The following DTD1 variants were observed in gnomAD, a reference collection of about 807,000 sequenced individuals.
The protein encoded by DTD1 is D-aminoacyl-tRNA deacylase 1, also known as D-tyrosyl-tRNA deacylase 1 homolog.
DTD1 carries 13 observed loss-of-function variants against 25.6 expected under a neutral mutation model. The ratio of observed to expected loss-of-function variants is 0.51; its 90% confidence interval spans 0.33 to 0.81. The LOEUF is 0.81. Ranked by LOEUF, DTD1 falls within the 30% of genes least tolerant of loss-of-function variation. The pLI, the probability that DTD1 is intolerant of heterozygous loss-of-function variation, is 0.02. For synonymous variants in DTD1, 110 were observed against 103.6 expected (o/e 1.06, Z -0.37); for missense variants, 193 against 266.4 (o/e 0.72, Z 1.92).
At chr20:18,628,336 A>G (rs1463965825) in intron 4 of DTD1, 103 bp downstream of exon 4, 10 of 870,220 alleles carry the variant, frequency 1.1e-5, no homozygotes, top group Non-Finnish European at 1.8e-5. Context: ...CATTGTTGCA[A>G]CGTTGTATTT....
intron 5 of DTD1, among the ~76,000 whole-genome samples, chr20:18,760,197 G>A (rs182951658): frequency 1.7e-4 from 26 of 152,136 alleles, no homozygotes; most frequent in African/African-American, 4.1e-4. Context: ...CCTTTAGCTC[G>A]GAGTGGTTTG....
intron 3 of DTD1, among the ~76,000 whole-genome samples, chr20:18,620,540 T>C (rs1431044971): frequency 3.9e-5 from 6 of 152,242 alleles, no homozygotes; most frequent in African/African-American, 1.4e-4. Flanking sequence ...TTCATTTTAT[T>C]CATTTTTATT....
intron 5 of DTD1, among the ~76,000 whole-genome samples, chr20:18,761,748 G>A (rs1054405073): frequency 1.3e-5 from 2 of 152,160 alleles, no homozygotes; most frequent in African/African-American, 4.8e-5. Flanking sequence ...GTCAATGTGG[G>A]GAACAATTAC....
At chr20:18,647,368 A>C (rs1163890544) in intron 4 of DTD1, among the ~76,000 whole-genome samples, 1 of 152,212 alleles carries the variant, frequency 6.6e-6, no homozygotes, top group East Asian at 1.9e-4. Flanking sequence ...GATGGAAGTC[A>C]CATTGGGGCA....
rs147095454 is a variant in DTD1, at chr20:18,701,282, C to T, written c.478-42818C>T. ...GCTGGAGAGAAAACATGTTACCTAA[C>T]GGACTTGGTTTAATGAACTCCTGAT... On this transcript the variant is annotated intron_variant, in intron 4 of 5. Transcript: ENST00000377452. Among the ~76,000 whole-genome samples the T allele has an allele frequency of 9.9e-5, 15 of 152,234 alleles. No homozygotes were observed. The East Asian group carries it at 1.7e-3, about 18-fold the overall frequency.
chr20:18,619,742 G>A (rs2060725476), intron 3 of DTD1, among the ~76,000 whole-genome samples: 1 of 152,020 alleles, frequency 6.6e-6, no homozygotes, highest in African/African-American at 2.4e-5. Context: ...CTGCTTTTAT[G>A]CTTTCATTTT....
At chr20:18,597,450 C>T (rs759448399) in intron 3 of DTD1, among the ~76,000 whole-genome samples, 15 of 152,068 alleles carry the variant, frequency 9.9e-5, no homozygotes, top group South Asian at 6.2e-4. Flanking sequence ...GCAACCATTG[C>T]CACAATCTAA....
At chr20:18,685,511 C>G (rs1041538894) in intron 4 of DTD1, among the ~76,000 whole-genome samples, 2 of 152,130 alleles carry the variant, frequency 1.3e-5, no homozygotes, top group African/African-American at 4.8e-5. Context: ...GGCAGACATC[C>G]TTGGGGAGGC....
At chr20:18,601,218 G>T (rs1030255360) in intron 3 of DTD1, among the ~76,000 whole-genome samples, 1 of 151,970 alleles carries the variant, frequency 6.6e-6, no homozygotes, top group Non-Finnish European at 1.5e-5. Context: ...TGTTCTCCCC[G>T]GCCAGGCGTC....
At chr20:18,741,389 G>A (rs1035891627) in intron 4 of DTD1, among the ~76,000 whole-genome samples, 1 of 152,316 alleles carries the variant, frequency 6.6e-6, no homozygotes, top group Middle Eastern at 3.4e-3. Flanking sequence ...TCTGACACGA[G>A]CATCTTACTG....
chr20:18,701,608 C>T (rs1034879811), intron 4 of DTD1, among the ~76,000 whole-genome samples: 3 of 152,176 alleles, frequency 2.0e-5, no homozygotes, highest in Non-Finnish European at 2.9e-5. Context: ...GCTGAATGCA[C>T]CCAGGGAGTC....
intron 4 of DTD1, among the ~76,000 whole-genome samples, chr20:18,716,581 T>G (rs191136353): frequency 5.2e-4 from 79 of 152,330 alleles, no homozygotes; most frequent in Non-Finnish European, 9.1e-4. Flanking sequence ...CTTGAAAGGT[T>G]TTTAGAAGGG....
At chr20:18,742,528 C>G (rs141661353) in intron 4 of DTD1, among the ~76,000 whole-genome samples, 1 of 152,228 alleles carries the variant, frequency 6.6e-6, no homozygotes, top group East Asian at 1.9e-4. Flanking sequence ...GGAGCGGGAA[C>G]CCCATTGTGA....
intron 3 of DTD1, among the ~76,000 whole-genome samples, chr20:18,617,169 A>G (rs2060712251): frequency 1.3e-5 from 2 of 152,144 alleles, no homozygotes; most frequent in Admixed American, 1.3e-4. Context: ...AGATACAGGC[A>G]TAGGTAGAAA....
At chr20:18,710,142 A>C (rs1446455606) in intron 4 of DTD1, among the ~76,000 whole-genome samples, 2 of 152,202 alleles carry the variant, frequency 1.3e-5, no homozygotes, top group African/African-American at 4.8e-5. Context: ...AAACCAGAAC[A>C]TGTGGTCAAC....
chr20:18,624,025 A>G (rs918915435), intron 3 of DTD1, among the ~76,000 whole-genome samples: 1 of 152,014 alleles, frequency 6.6e-6, no homozygotes, highest in African/African-American at 2.4e-5. Context: ...CACTCTGGCC[A>G]TGGGGGTGCC....
chr20:18,612,847 C>T (rs2060693152), intron 3 of DTD1, among the ~76,000 whole-genome samples: 6 of 152,078 alleles, frequency 3.9e-5, no homozygotes, highest in Admixed American at 3.9e-4. Flanking sequence ...TTAGTAGAAG[C>T]AGGGTTTCAC....
At position 18,626,373 on chromosome 20, in the gene DTD1, G is replaced by A. The variant is rs911724623; in HGVS notation, c.371-1754G>A. Among the ~76,000 whole-genome samples the A allele has an allele frequency of 6.6e-5, 10 of 152,250 alleles. No homozygotes were observed. The Middle Eastern group carries it at 0.01, about 155-fold the overall frequency. ...AGGCACTCTGGTTTACAGCTGTTAG[G>A]GCCTTGAAAAGTTCTGCTGGAGATG... On this transcript the variant is annotated intron_variant, in intron 3 of 5. Coordinates refer to ENST00000377452, the MANE Select transcript of DTD1 (RefSeq NM_080820.6).
chr20:18,629,125 T>C (rs7265100), intron 4 of DTD1, among the ~76,000 whole-genome samples: 14,245 of 150,238 alleles, frequency 0.095, 830 homozygotes, highest in East Asian at 0.27. Flanking sequence ...GCCTCTCGAA[T>C]AGCTGGGATT....
Sources: gnomAD v4.1 joint callset for allele counts (sites outside exome capture counted in the v4.1 genomes callset) on GRCh38, gnomAD v4.1.1 for gene constraint, MANE v1.5 for transcripts, NCBI Gene and HGNC (gene_info 2026-07-23, HGNC 2026-07-21) for gene names.